Variants in WDR27 observed in about 807,000 individuals in gnomAD.
The protein encoded by WDR27 is WD repeat domain 27, also known as WD repeat-containing protein 27.
WDR27 carries 100 observed loss-of-function variants against 114.4 expected under a neutral mutation model. The observed-to-expected ratio is 0.87, with a 90% CI of 0.74 to 1.03. The LOEUF (loss-of-function observed/expected upper bound fraction) is 1.03, where lower values mean the gene tolerates loss of function less well. WDR27 is among the 50% of genes least tolerant of loss of function. The pLI is 0.00. For missense variants in WDR27, 1,129 were observed against 1,092.9 expected (o/e 1.03, Z -0.47); for synonymous variants, 449 against 423.1 (o/e 1.06, Z -0.75).
At chr6:169,590,050 T>C (rs963603656) in intron 23 of WDR27, among the ~76,000 whole-genome samples, 2 of 150,994 alleles carry the variant, frequency 1.3e-5, no homozygotes, top group Non-Finnish European at 3.0e-5. Context: ...AAAATGTTTT[T>C]ACAAAAATTG....
intron 23 of WDR27, among the ~76,000 whole-genome samples, chr6:169,598,145 T>A (rs1438054183): frequency 6.6e-6 from 1 of 152,192 alleles, no homozygotes; most frequent in East Asian, 1.9e-4. Context: ...AAGAATGTGA[T>A]CTTATTTGGA....
At chr6:169,474,725 A>G (rs142212329) in intron 25 of WDR27, among the ~76,000 whole-genome samples, 313 of 152,356 alleles carry the variant, frequency 2.1e-3, no homozygotes, top group African/African-American at 6.4e-3. Context: ...AATGAGAATT[A>G]CCCATAATTA....
At chr6:169,441,939 G>GAA in the WDR27 span, among the ~76,000 whole-genome samples, 81,980 of 151,936 alleles carry the variant, frequency 0.54, 23,748 homozygotes, top group East Asian at 0.95. Context: ...TTAAAAAAGA[G>GAA]GACGGCTTTG....
At chr6:169,671,184 G>A (rs550874951) in intron 3 of WDR27, 13 of 155,410 alleles carry the variant, frequency 8.4e-5, no homozygotes, top group Non-Finnish European at 1.4e-4. Context: ...GCCTGATGCA[G>A]AGCCCGTCAT....
At chr6:169,432,673 CCT>C in the WDR27 span, among the ~76,000 whole-genome samples, 5 of 152,172 alleles carry the variant, frequency 3.3e-5, no homozygotes, top group Non-Finnish European at 7.3e-5. Flanking sequence ...GTCAATTAAA[CCT>C]CTTTTTCTTT....
intron 13 of WDR27, among the ~76,000 whole-genome samples, chr6:169,654,043 C>T (rs943347051): frequency 2.0e-5 from 3 of 152,184 alleles, no homozygotes; most frequent in Non-Finnish European, 2.9e-5. Context: ...CAGTGCACTT[C>T]ATTCAGTTCC....
intron 25 of WDR27, among the ~76,000 whole-genome samples, chr6:169,528,535 T>C (rs1795211964): frequency 6.6e-6 from 1 of 152,174 alleles, no homozygotes; most frequent in African/African-American, 2.4e-5. Flanking sequence ...AAATAATATA[T>C]ACATTCTTTG....
At chr6:169,450,586 C>T in the WDR27 span, among the ~76,000 whole-genome samples, 1 of 152,154 alleles carries the variant, frequency 6.6e-6, no homozygotes, top group Non-Finnish European at 1.5e-5. Context: ...AGGGAGCCCC[C>T]CAGGATGACA....
At chr6:169,446,110 C>T in the WDR27 span, among the ~76,000 whole-genome samples, 18 of 152,258 alleles carry the variant, frequency 1.2e-4, 1 homozygote, top group Non-Finnish European at 7.3e-5. Context: ...AGCTCCGGCC[C>T]GGACGGAGGG....
intron 12 of WDR27, 49 bp from the exon 13 acceptor site, chr6:169,658,407 G>A (rs948407088): frequency 7.2e-6 from 10 of 1,392,152 alleles, no homozygotes; most frequent in African/African-American, 7.2e-5. Flanking sequence ...ACGACGATAC[G>A]ATGGAAATGC....
intron 8 of WDR27, chr6:169,663,836 T>C (rs1827036237): frequency 6.4e-6 from 2 of 313,768 alleles, no homozygotes; most frequent in South Asian, 5.5e-5. Context: ...AGTCATGCAG[T>C]GTACCTTTCT....
the WDR27 span, among the ~76,000 whole-genome samples, chr6:169,438,324 G>A: frequency 7.6e-5 from 11 of 143,978 alleles, no homozygotes; most frequent in Admixed American, 5.1e-4. Flanking sequence ...TGCAAGCTCC[G>A]CCTCCCAGGT....
chr6:169,701,983 C>T lies in WDR27; in HGVS notation c.-440G>A. The T allele has an allele frequency of 2.5e-6, 1 of 400,376 alleles. No homozygotes were observed. The highest frequency in any genetic ancestry group is 1.8e-5 in the South Asian group (1 of 55,522). The allele number at this position is 400,376 out of a possible 1,614,324, so 24.8% of individuals were successfully genotyped here. On this transcript the variant is annotated 5_prime_UTR_variant, in exon 1 of 26. Transcript: ENST00000448612. ...ACCGAGCCACACTCCGCCCCACGCTCGCCGCTATGGTTACTTGCCAGCCGA... is the reference window on the plus strand; with the variant it reads ...ACCGAGCCACACTCCGCCCCACGCTTGCCGCTATGGTTACTTGCCAGCCGA...
intron 25 of WDR27, among the ~76,000 whole-genome samples, chr6:169,520,284 A>G (rs959831119): frequency 1.3e-5 from 2 of 152,196 alleles, no homozygotes; most frequent in African/African-American, 2.4e-5. Flanking sequence ...TGGTACTCTG[A>G]TTATTTACTA....
At chr6:169,530,382 T>G (rs1246544558) in intron 25 of WDR27, among the ~76,000 whole-genome samples, 1 of 152,208 alleles carries the variant, frequency 6.6e-6, no homozygotes, top group African/African-American at 2.4e-5. Context: ...GTGACTAATT[T>G]TAGAGACCTG....
Position 169,529,316 on chromosome 6 carries a change from G to GC in WDR27, c.2645+43102_2645+43103insG, listed in dbSNP as rs768590345. ...CGTTAACGGTGGTGACCTCTGCGGG[G>GC]GGGGGGGGCAGCTAATGCTAATAAG... On this transcript the variant is annotated intron_variant, in intron 25 of 25. Transcript: ENST00000448612. Among the ~76,000 whole-genome samples the GC allele has an allele frequency of 5.6e-5, 8 of 141,996 alleles. 1 individual carries two copies. The highest frequency in any genetic ancestry group is 1.1e-4 in the Non-Finnish European group (7 of 65,772). 93.2% of individuals were successfully genotyped at this position (141,996 alleles called of 152,430 possible).
chr6:169,473,452 G>A (rs1356314584), intron 25 of WDR27, among the ~76,000 whole-genome samples: 1 of 151,484 alleles, frequency 6.6e-6, no homozygotes, highest in Non-Finnish European at 1.5e-5. Flanking sequence ...ACATAGGGAT[G>A]TTAGGAGTCT....
At chr6:169,550,788 T>C (rs1797991248) in intron 25 of WDR27, among the ~76,000 whole-genome samples, 1 of 152,104 alleles carries the variant, frequency 6.6e-6, no homozygotes, top group Non-Finnish European at 1.5e-5. Context: ...CAATCACAGC[T>C]CACTGCAGCC....
At chr6:169,437,816 CTACTATT>C in the WDR27 span, among the ~76,000 whole-genome samples, 1 of 152,168 alleles carries the variant, frequency 6.6e-6, no homozygotes, top group African/African-American at 2.4e-5. Flanking sequence ...TTAAGTTATA[CTACTATT>C]GTGGCCCGAT....
Sources: allele counts gnomAD v4.1 joint callset (sites outside exome capture counted in the v4.1 genomes callset), GRCh38; gene constraint gnomAD v4.1.1; transcripts MANE v1.5; gene names NCBI Gene and HGNC (gene_info 2026-07-23, HGNC 2026-07-21).